The following IL1RAP variants were observed in gnomAD, a reference collection of about 807,000 sequenced individuals.
The protein encoded by IL1RAP is interleukin-1 receptor accessory protein.
A neutral mutation model predicts 60.7 loss-of-function variants in IL1RAP; 35 were observed. The observed-to-expected ratio is 0.58, with a 90% CI of 0.44 to 0.76. The LOEUF (loss-of-function observed/expected upper bound fraction) is 0.76, where lower values mean the gene tolerates loss of function less well. Ranked by LOEUF, IL1RAP falls within the 30% of genes least tolerant of loss-of-function variation. The pLI, the probability that IL1RAP is intolerant of heterozygous loss-of-function variation, is 0.00. For synonymous variants in IL1RAP, 268 were observed against 250.9 expected (o/e 1.07, Z -0.64); for missense variants, 572 against 693.9 (o/e 0.82, Z 1.97).
chr3:190,631,825 A>G (rs973940839), intron 9 of IL1RAP, among the ~76,000 whole-genome samples: 2 of 152,014 alleles, frequency 1.3e-5, no homozygotes, highest in African/African-American at 4.8e-5. Context: ...TTTGAGACAC[A>G]GTTTTACTCT....
rs1344880160 is a variant in IL1RAP at position 190,572,983 on chromosome 3, C to A, written c.64+8630C>A. On this transcript the variant is annotated intron_variant, in intron 3 of 11. Transcript: ENST00000447382. The stretch of plus-strand genomic sequence containing the variant: ...GGTTCACGCCATTCTCCTGCCTCAG[C>A]CTCCCGAGTAGCTGGGACTACAGGC... Among the ~76,000 whole-genome samples, 4 of 93,554 alleles carry A rather than the reference C, an allele frequency of 4.3e-5. 1 individual carries two copies. The highest frequency in any genetic ancestry group is 1.6e-4 in the African/African-American group (4 of 24,502). 61.4% of individuals were successfully genotyped at this position (93,554 alleles called of 152,430 possible).
At chr3:190,633,900 G>C (rs143884341) in intron 9 of IL1RAP, among the ~76,000 whole-genome samples, 35 of 152,170 alleles carry the variant, frequency 2.3e-4, no homozygotes, top group African/African-American at 7.7e-4. Flanking sequence ...TGGACCTCCA[G>C]TACAATGTTC....
At chr3:190,585,690 C>T (rs1728392013) in intron 3 of IL1RAP, among the ~76,000 whole-genome samples, 1 of 151,880 alleles carries the variant, frequency 6.6e-6, no homozygotes, top group Admixed American at 6.6e-5. Context: ...TGTGTGCCTG[C>T]AGTCCCAGCT....
intron 1 of IL1RAP, among the ~76,000 whole-genome samples, chr3:190,555,482 C>G (rs1301916161): frequency 6.6e-6 from 1 of 152,118 alleles, no homozygotes; most frequent in Non-Finnish European, 1.5e-5. Context: ...ATCCATAATC[C>G]CAAACATGTT....
At chr3:190,566,413 T>C (rs1726403845) in intron 3 of IL1RAP, among the ~76,000 whole-genome samples, 1 of 152,142 alleles carries the variant, frequency 6.6e-6, no homozygotes, top group Non-Finnish European at 1.5e-5. Flanking sequence ...CAGAAGCTAA[T>C]GAGTGCTGGT....
At chr3:190,602,549 T>C (rs1729953295) in intron 3 of IL1RAP, among the ~76,000 whole-genome samples, 1 of 152,092 alleles carries the variant, frequency 6.6e-6, no homozygotes, top group Admixed American at 6.5e-5. Context: ...TAAATTTGCA[T>C]GTGGAGATAG....
rs1560135571 is a variant in IL1RAP, at chr3:190,522,318, CT to C, written c.-89+8101del. Among the ~76,000 whole-genome samples the C allele has an allele frequency of 1.5e-4, 20 of 133,970 alleles. 2 individuals carry two copies. The highest frequency in any genetic ancestry group is 5.5e-4 in the African/African-American group (17 of 30,754). 87.9% of individuals were successfully genotyped at this position (133,970 alleles called of 152,430 possible). Reference sequence around the variant, plus strand: ...CCTTCCTTCCTTCCTTCCTTCCTTCCTTCCTTCCTTCCTTCCTTCCTTCCTC... The same window carrying C: ...CCTTCCTTCCTTCCTTCCTTCCTTCCTCCTTCCTTCCTTCCTTCCTTCCTC... On this transcript the variant is annotated intron_variant, in intron 1 of 11. Transcript: ENST00000447382.
chr3:190,641,604 A>C (rs1030037956), intron 9 of IL1RAP, among the ~76,000 whole-genome samples: 1 of 152,238 alleles, frequency 6.6e-6, no homozygotes, highest in African/African-American at 2.4e-5. Flanking sequence ...TAAAATGGGC[A>C]GTAGTAAAAT....
At position 190,547,000 on chromosome 3, in the gene IL1RAP, AT is replaced by A. The variant is rs576560134; in HGVS notation, c.-88-9129del. Among the ~76,000 whole-genome samples the A allele has an allele frequency of 8.5e-5, 13 of 152,274 alleles. No homozygotes were observed. The South Asian group carries it at 2.7e-3, about 32-fold the overall frequency. Reference sequence around the variant, plus strand: ...TATACGTTCTGCATTCCTGCTCAATATGCTTGTCAGAGCATTTTAAAACCTC... The same window carrying A: ...TATACGTTCTGCATTCCTGCTCAATAGCTTGTCAGAGCATTTTAAAACCTC... On this transcript the variant is annotated intron_variant, in intron 1 of 11. Coordinates refer to ENST00000447382, the MANE Select transcript of IL1RAP (RefSeq NM_002182.4).
intron 1 of IL1RAP, among the ~76,000 whole-genome samples, chr3:190,517,162 C>T (rs1367005744): frequency 6.6e-6 from 1 of 152,182 alleles, no homozygotes; most frequent in South Asian, 2.1e-4. Context: ...GTATTTAAAG[C>T]AATGGTCTCT....
chr3:190,629,373 A>T lies in IL1RAP; in HGVS notation c.926A>T (p.Asp309Val). The change falls in exon 9 of 12, where the codon GAT becomes GTT. Residue 309 changes from aspartate to valine, a missense_variant. By Grantham distance (152) the Asp-to-Val change is radical. Transcript: ENST00000447382. ...AGTATAAGTCATAGTAGAACAGAAG[A>T]TGAAACAAGAACTCAGATTTTGAGC... ...NESISHSRTE[D>V]ETRTQILSIK... 1.2e-6 allele frequency: 2 copies of T among 1,611,662 alleles called. No homozygotes were observed. Among genetic ancestry groups the T allele is most frequent in the African/African-American group, 1.3e-5 (1 of 74,918 alleles).
At chr3:190,631,261 A>G (rs1732766296) in intron 9 of IL1RAP, among the ~76,000 whole-genome samples, 1 of 152,200 alleles carries the variant, frequency 6.6e-6, no homozygotes, top group Non-Finnish European at 1.5e-5. Flanking sequence ...ACATAAATTA[A>G]TAACTTATTG....
chr3:190,522,393 TTCTATGTATCTA>T (rs1400617766), intron 1 of IL1RAP, among the ~76,000 whole-genome samples: 3 of 139,046 alleles, frequency 2.2e-5, no homozygotes, highest in African/African-American at 6.0e-5. Flanking sequence ...CTATGTATCT[TTCTATGTATCTA>T]TCTATGTATC....
At chr3:190,655,748 GACT>G, downstream of IL1RAP, 1 of 645,236 alleles carries the variant, frequency 1.5e-6, no homozygotes, top group South Asian at 2.1e-5. Flanking sequence ...AGATTTTTTT[GACT>G]GGGTAAATTA....
intron 1 of IL1RAP, among the ~76,000 whole-genome samples, chr3:190,519,347 T>C (rs984657791): frequency 6.6e-6 from 1 of 152,226 alleles, no homozygotes; most frequent in Admixed American, 6.5e-5. Context: ...CAGCATTTCA[T>C]CGGCACATGT....
At chr3:190,582,548 C>A (rs756404442) in intron 3 of IL1RAP, among the ~76,000 whole-genome samples, 26 of 152,074 alleles carry the variant, frequency 1.7e-4, no homozygotes, top group Non-Finnish European at 3.4e-4. Context: ...AAACTCCTGA[C>A]CTCAGGTGAT....
chr3:190,539,002 C>T (rs1723708562), intron 1 of IL1RAP, among the ~76,000 whole-genome samples: 1 of 152,112 alleles, frequency 6.6e-6, no homozygotes, highest in African/African-American at 2.4e-5. Flanking sequence ...TTAAAAATTA[C>T]CCAGTTTTGG....
chr3:190,598,406 T>G (rs1190634469), intron 3 of IL1RAP, among the ~76,000 whole-genome samples: 1 of 152,126 alleles, frequency 6.6e-6, no homozygotes, highest in Non-Finnish European at 1.5e-5. Flanking sequence ...AAATAAAATA[T>G]AAAATCAAAA....
chr3:190,573,481 A>G (rs562433234), intron 3 of IL1RAP, among the ~76,000 whole-genome samples: 3 of 152,300 alleles, frequency 2.0e-5, no homozygotes, highest in East Asian at 3.9e-4. Context: ...GAATGGAGTA[A>G]TTAGTAATCG....
Sources: gnomAD v4.1 joint callset for allele counts (sites outside exome capture counted in the v4.1 genomes callset) on GRCh38, gnomAD v4.1.1 for gene constraint, MANE v1.5 for transcripts, NCBI Gene and HGNC (gene_info 2026-07-23, HGNC 2026-07-21) for gene names.